Variants in LRRC2 observed in about 807,000 individuals in gnomAD.
LRRC2 encodes leucine-rich repeat-containing protein 2.
LRRC2 carries 27 observed loss-of-function variants against 40.2 expected under a neutral mutation model. That is an observed-to-expected ratio of 0.67 (90% CI 0.49 to 0.93). The LOEUF (loss-of-function observed/expected upper bound fraction) is 0.93, where lower values mean the gene tolerates loss of function less well. Among genes scored for constraint, LRRC2 ranks in the 40% least tolerant of loss-of-function variants. LRRC2 has a pLI of 0.00. For synonymous variants in LRRC2, 147 were observed against 158.9 expected, an observed-to-expected ratio of 0.92 and a Z score of 0.56; for missense variants, 402 against 439.6, an observed-to-expected ratio of 0.91 and a Z score of 0.76.
chr3:46,543,078 AG>A (rs1704431979), intron 3 of LRRC2, among the ~76,000 whole-genome samples: 1 of 152,232 alleles, frequency 6.6e-6, no homozygotes, highest in African/African-American at 2.4e-5. Flanking sequence ...GTGAGGCCGA[AG>A]CACAAGCTCT....
intron 1 of LRRC2, among the ~76,000 whole-genome samples, chr3:46,556,484 G>C (rs549286592): frequency 7.3e-5 from 11 of 151,548 alleles, no homozygotes; most frequent in Non-Finnish European, 1.0e-4. Flanking sequence ...CATGGATTTT[G>C]GGTGGGATTA....
At chr3:46,523,340 C>G (rs935707419) in intron 7 of LRRC2, among the ~76,000 whole-genome samples, 5 of 152,088 alleles carry the variant, frequency 3.3e-5, no homozygotes, top group Non-Finnish European at 5.9e-5. Context: ...CTCTTCAGAT[C>G]CCAGAAGCAA....
rs1347400096 is a variant in LRRC2, at chr3:46,532,732, AAAT to A, written c.627+38_627+40del. ...TATAGACCATTCTATGTCATAAACC[AAAT>A]AAAAGTGAATCGTAGTACAGAAATG... On this transcript the variant is annotated intron_variant, in intron 5 of 8. Coordinates refer to ENST00000395905, the MANE Select transcript of LRRC2 (RefSeq NM_024512.5). The A allele has an allele frequency of 1.6e-5, 25 of 1,597,794 alleles. No individual in the cohort carries two copies. In the Admixed American group the frequency reaches 3.3e-4, roughly 21 times the overall value.
chr3:46,536,637 A>T (rs1420975942), intron 4 of LRRC2, among the ~76,000 whole-genome samples: 2 of 152,178 alleles, frequency 1.3e-5, no homozygotes, highest in African/African-American at 4.8e-5. Flanking sequence ...AGTTTGTTAA[A>T]TGCTGATTCC....
At chr3:46,520,144 G>T (rs1041020987) in intron 8 of LRRC2, among the ~76,000 whole-genome samples, 2 of 147,174 alleles carry the variant, frequency 1.4e-5, no homozygotes, top group Admixed American at 6.8e-5. Context: ...ATATATTATC[G>T]ATAAAATTAA....
chr3:46,544,393 C>T (rs1269803205), intron 3 of LRRC2, among the ~76,000 whole-genome samples: 1 of 152,220 alleles, frequency 6.6e-6, no homozygotes, highest in East Asian at 1.9e-4. Context: ...GTGGCACACA[C>T]CTGTAGTCCC....
Position 46,552,403 on chromosome 3 carries a change from T to C in LRRC2, c.-19-793A>G, listed in dbSNP as rs1033467744. Among the ~76,000 whole-genome samples the C allele has an allele frequency of 7.3e-5, 11 of 150,584 alleles. No homozygotes were observed. In the East Asian group the frequency reaches 1.4e-3, roughly 19 times the overall value. On this transcript the variant is annotated intron_variant, in intron 1 of 8. Transcript: ENST00000395905. The stretch of plus-strand genomic sequence containing the variant: ...ATCTAAAAAAAAAAAAAAGCTCACA[T>C]AGGCGGTGTTATAATTGCTTTTCTA...
intron 2 of LRRC2, among the ~76,000 whole-genome samples, chr3:46,550,719 G>A (rs1027619689): frequency 2.0e-5 from 3 of 152,190 alleles, no homozygotes; most frequent in Non-Finnish European, 4.4e-5. Flanking sequence ...AATTTAAAGT[G>A]TGCAAATATA....
intron 3 of LRRC2, 22 bp downstream of exon 3, chr3:46,545,024 G>C: frequency 6.2e-7 from 1 of 1,608,194 alleles, no homozygotes; most frequent in Admixed American, 1.7e-5. Flanking sequence ...CACTGCATTG[G>C]GCGAGAACTG....
intron 3 of LRRC2, among the ~76,000 whole-genome samples, chr3:46,544,069 C>T (rs1185998206): frequency 1.0e-5 from 1 of 97,434 alleles, no homozygotes; most frequent in African/African-American, 2.7e-5. Context: ...ATAAAAACCA[C>T]CTCGGATCAC....
Position 46,519,154 on chromosome 3 carries a change from C to A in LRRC2, c.1067-91G>T. On this transcript the variant is annotated intron_variant, in intron 8 of 8. Coordinates refer to ENST00000395905, the MANE Select transcript of LRRC2 (RefSeq NM_024512.5). ...TATGACATACATAATGAATGTATGTCAATACACCCATTATTGTCACTTCAT... is the reference window on the plus strand; with the variant it reads ...TATGACATACATAATGAATGTATGTAAATACACCCATTATTGTCACTTCAT... The A allele has an allele frequency of 3.6e-6, 3 of 836,188 alleles. No individual in the cohort carries two copies. The South Asian group carries it at 4.1e-5, about 11-fold the overall frequency. The allele number at this position is 836,188 out of a possible 1,614,324, so 51.8% of individuals were successfully genotyped here. A position where few individuals can be genotyped will look rare whatever the true frequency, so the allele number is the denominator to read the frequency against.
chr3:46,535,958 G>A (rs1239173024), intron 4 of LRRC2, among the ~76,000 whole-genome samples: 1 of 152,112 alleles, frequency 6.6e-6, no homozygotes, highest in Non-Finnish European at 1.5e-5. Flanking sequence ...AACTGAAAAC[G>A]AGTAAATGAC....
intron 3 of LRRC2, among the ~76,000 whole-genome samples, chr3:46,543,355 G>C (rs1396738942): frequency 6.6e-6 from 1 of 152,090 alleles, no homozygotes; most frequent in African/African-American, 2.4e-5. Context: ...AGTGACTCAC[G>C]CCTGTAATCC....
intron 2 of LRRC2, among the ~76,000 whole-genome samples, chr3:46,546,585 ACT>A (rs1413071203): frequency 1.3e-5 from 2 of 152,126 alleles, no homozygotes; most frequent in African/African-American, 4.8e-5. Flanking sequence ...CTATTTTATA[ACT>A]CTGTAGAGAG....
intron 1 of LRRC2, chr3:46,557,715 G>T (rs1432596657): frequency 3.3e-5 from 5 of 152,236 alleles, no homozygotes; most frequent in African/African-American, 9.7e-5. Context: ...CTTGGAAGGG[G>T]TTCAGCCCAT....
At chr3:46,562,189 A>C (rs1274869321) in intron 1 of LRRC2, among the ~76,000 whole-genome samples, 1 of 152,136 alleles carries the variant, frequency 6.6e-6, no homozygotes, top group African/African-American at 2.4e-5. Context: ...TCACTCTAGG[A>C]AGTCAGCTGC....
chr3:46,552,381 TAAA>T (rs59750352), intron 1 of LRRC2, among the ~76,000 whole-genome samples: 17 of 144,844 alleles, frequency 1.2e-4, no homozygotes, highest in Admixed American at 2.1e-4. Flanking sequence ...TATTTAAATC[TAAA>T]AAAAAAAAAA....
rs1361459568 is a variant in LRRC2 at position 46,517,206 on chromosome 3, C to T, written c.*1808G>A. The T allele has an allele frequency of 6.6e-6, 1 of 151,796 alleles. No individual in the cohort carries two copies. Among genetic ancestry groups the T allele is most frequent in the Non-Finnish European group, 1.5e-5 (1 of 68,008 alleles). The allele number at this position is 151,796 out of a possible 1,614,324, so 9.4% of individuals were successfully genotyped here. On this transcript the variant is annotated 3_prime_UTR_variant, in exon 9 of 9. Coordinates refer to ENST00000395905, the MANE Select transcript of LRRC2 (RefSeq NM_024512.5). ...TCCACTGGATGGTACTGGGCAAGAC[C>T]ACAGAGGAGATGATTCATATAAAAA...
At chr3:46,536,890 C>G (rs2107008027) in intron 4 of LRRC2, among the ~76,000 whole-genome samples, 1 of 152,310 alleles carries the variant, frequency 6.6e-6, no homozygotes, top group Non-Finnish European at 1.5e-5. Flanking sequence ...AACAAAGATA[C>G]ATATTAAATG....
Sources: allele counts gnomAD v4.1 joint callset (sites outside exome capture counted in the v4.1 genomes callset), GRCh38; gene constraint gnomAD v4.1.1; transcripts MANE v1.5; gene names NCBI Gene and HGNC (gene_info 2026-07-23, HGNC 2026-07-21).